The following TMEM120A variants were observed in gnomAD, a reference collection of about 807,000 sequenced individuals.
TMEM120A encodes transmembrane protein 120A, also known as ion channel TACAN.
A neutral mutation model predicts 54.3 loss-of-function variants in TMEM120A; 45 were observed. The observed-to-expected ratio is 0.83, with a 90% CI of 0.65 to 1.06. The LOEUF is 1.06. Ranked by LOEUF, TMEM120A falls within the 50% of genes least tolerant of loss-of-function variation. The probability of loss-of-function intolerance (pLI) is 0.00; values close to 1 mark genes in which losing one functional copy is unlikely to be tolerated. For synonymous variants in TMEM120A, 204 were observed against 178.5 expected (o/e 1.14, Z -1.14); for missense variants, 424 against 441.7 (o/e 0.96, Z 0.36).
chr7:75,988,393 G>A, intron 5 of TMEM120A, 28 bp downstream of exon 5: 1 of 1,610,366 alleles, frequency 6.2e-7, no homozygotes, highest in South Asian at 1.1e-5. Flanking sequence ...GGGATGGGGT[G>A]GGTCCTCGGC....
intron 3 of TMEM120A, 103 bp from the exon 4 acceptor site, chr7:75,989,327 C>T: frequency 1.3e-6 from 1 of 782,944 alleles, no homozygotes; most frequent in Non-Finnish European, 2.2e-6. Flanking sequence ...CACCCCACCC[C>T]CTCACCCGCT....
Position 75,992,545 on chromosome 7 carries a change from G to T in TMEM120A, c.94C>A (p.Leu32Ile). The change falls in exon 2 of 12, where the codon CTC (leucine) becomes ATC (isoleucine). Residue 32 changes from leucine (L) to isoleucine (I), a missense_variant. Physicochemically the swap from Leu to Ile is conservative, Grantham distance 5. Transcript: ENST00000493111. Reference protein sequence around the residue: ...DFQNIQETHRLYRLKLEELTK... With the variant: ...DFQNIQETHRIYRLKLEELTK... ...AGCTCCTCCAGCTTCAGGCGGTAGAGCCGATGGGTCTCCTGGGGGCCGGAG... is the reference window on the plus strand; with the variant it reads ...AGCTCCTCCAGCTTCAGGCGGTAGATCCGATGGGTCTCCTGGGGGCCGGAG... 6.3e-7 allele frequency: 1 copy of T among 1,577,944 alleles called. No homozygotes were observed. The highest frequency in any genetic ancestry group is 8.6e-7 in the Non-Finnish European group (1 of 1,163,002).
At chr7:75,993,148 A>G (rs1003945756) in intron 1 of TMEM120A, among the ~76,000 whole-genome samples, 12 of 152,034 alleles carry the variant, frequency 7.9e-5, no homozygotes, top group Non-Finnish European at 1.3e-4. Flanking sequence ...CCCACCCTAC[A>G]AGGACAGACT....
chr7:75,992,945 G>A (rs971234197), intron 1 of TMEM120A, among the ~76,000 whole-genome samples: 1 of 152,196 alleles, frequency 6.6e-6, no homozygotes, highest in Non-Finnish European at 1.5e-5. Context: ...TAGGATTACA[G>A]GCACCTGCCA....
chr7:75,992,095 T>G (rs1554561916), intron 3 of TMEM120A, 49 bp downstream of exon 3: 1 of 1,379,576 alleles, frequency 7.2e-7, no homozygotes. Context: ...AGCACCCGGC[T>G]TCAGGAGTGG....
At position 75,988,252 on chromosome 7, in the gene TMEM120A, C is replaced by A; in HGVS notation, c.563G>T (p.Arg188Leu). The change falls in exon 6 of 12, where the codon CGG becomes CTG. Residue 188 changes from arginine to leucine, a missense_variant and splice_region_variant. Coordinates refer to ENST00000493111, the MANE Select transcript of TMEM120A (RefSeq NM_031925.3). ...CTCCCTCAGGGCCCGCCCTGCCCAC[C>A]GGGAGCCGTTGTTGATGAGGATGCT... ...RESILINNGS[R>L]IKGWWVFHHY... is the part of the protein sequence containing the mutation. The A allele has an allele frequency of 6.2e-7, 1 of 1,612,052 alleles. No homozygotes were observed. Among genetic ancestry groups the A allele is most frequent in the Non-Finnish European group, 8.5e-7 (1 of 1,179,846 alleles).
At chr7:75,990,153 CA>C (rs1297624513) in intron 3 of TMEM120A, among the ~76,000 whole-genome samples, 9 of 152,212 alleles carry the variant, frequency 5.9e-5, no homozygotes, top group Non-Finnish European at 1.2e-4. Context: ...GCCAACCCAC[CA>C]GGCTGCGGAT....
In TMEM120A at chr7:75,994,531, G is replaced by A. The variant is rs374489610; in HGVS notation, c.40C>T (p.Arg14Trp). ...TCCTGCTGTAGATCCTCCCAGTCCCGCAGGCAGTCGCCCAGCGGGCCCGGG... is the reference window on the plus strand; with the variant it reads ...TCCTGCTGTAGATCCTCCCAGTCCCACAGGCAGTCGCCCAGCGGGCCCGGG... ...PPPGPLGDCL[R>W]DWEDLQQDFQ... Residue 14 changes from arginine (R) to tryptophan (W), a missense_variant, in exon 1 of 12, where the codon CGG becomes TGG. Physicochemically the swap from Arg to Trp is moderately radical, Grantham distance 101. Coordinates refer to ENST00000493111, the MANE Select transcript of TMEM120A (RefSeq NM_031925.3). 2.6e-6 allele frequency: 4 copies of A among 1,562,904 alleles called. No individual in the cohort carries two copies. The highest frequency in any genetic ancestry group is 1.2e-5 in the South Asian group (1 of 85,396).
intron 1 of TMEM120A, among the ~76,000 whole-genome samples, chr7:75,993,039 T>A (rs968597292): frequency 3.9e-5 from 6 of 152,152 alleles, no homozygotes; most frequent in African/African-American, 4.8e-5. Flanking sequence ...TGACCTCAGG[T>A]GATCTGCCTG....
At chr7:75,989,456 T>TC (rs1336719128) in intron 3 of TMEM120A, among the ~76,000 whole-genome samples, 35 of 148,116 alleles carry the variant, frequency 2.4e-4, no homozygotes, top group African/African-American at 7.7e-4. Context: ...GAAACAGTGT[T>TC]CCCCCCCATC....
chr7:75,990,533 G>A (rs1789800535), intron 3 of TMEM120A, among the ~76,000 whole-genome samples: 2 of 152,034 alleles, frequency 1.3e-5, no homozygotes, highest in African/African-American at 4.8e-5. Flanking sequence ...TCAACCCAGT[G>A]CTAATTTCCA....
rs782075105 is a variant in TMEM120A at position 75,994,480 on chromosome 7, C to T, written c.81+10G>A. The T allele has an allele frequency of 3.9e-6, 6 of 1,557,034 alleles. No individual in the cohort carries two copies. The Admixed American group carries it at 7.7e-5, about 20-fold the overall frequency. ...CTCGGGGGCGACCCGGCGTCCGCAG[C>T]GGCGCTAACCTGGATGTTCTGGAAG... is the stretch of plus-strand genomic sequence containing the variant. On this transcript the variant is annotated intron_variant, in intron 1 of 11. Transcript: ENST00000493111.
At chr7:75,991,788 TC>T (rs1554561828) in intron 3 of TMEM120A, among the ~76,000 whole-genome samples, 1 of 152,110 alleles carries the variant, frequency 6.6e-6, no homozygotes, top group Non-Finnish European at 1.5e-5. Flanking sequence ...CAAGTGATCC[TC>T]CCACCTCCAT....
chr7:75,988,228 T>C (rs1554560659), intron 6 of TMEM120A, 24 bp downstream of exon 6: 1 of 1,611,722 alleles, frequency 6.2e-7, no homozygotes, highest in South Asian at 1.1e-5. Context: ...CATGCTCCCC[T>C]CCCTCAGGGC....
intron 1 of TMEM120A, among the ~76,000 whole-genome samples, chr7:75,993,590 G>A (rs1789927850): frequency 6.6e-6 from 1 of 152,246 alleles, no homozygotes; most frequent in South Asian, 2.1e-4. Context: ...GGCAGGGCCA[G>A]GGGCAGCTGG....
chr7:75,994,230 T>A (rs1789965472), intron 1 of TMEM120A, among the ~76,000 whole-genome samples: 1 of 151,848 alleles, frequency 6.6e-6, no homozygotes, highest in Non-Finnish European at 1.5e-5. Context: ...AGGGACGGGG[T>A]CGGGGTCTGG....
At chr7:75,987,890 C>T in intron 8 of TMEM120A, 33 bp downstream of exon 8, 3 of 1,599,144 alleles carry the variant, frequency 1.9e-6, no homozygotes, top group Non-Finnish European at 2.6e-6. Context: ...ACGGGTGCCT[C>T]CAGGGCTCAG....
intron 3 of TMEM120A, 28 bp from the exon 4 acceptor site, chr7:75,989,252 G>A: frequency 6.7e-7 from 1 of 1,501,448 alleles, no homozygotes; most frequent in Non-Finnish European, 9.1e-7. Context: ...GGGGTGAGGA[G>A]AAGCCCGAGT....
In TMEM120A at chr7:75,988,259, CGTT is replaced by C. The variant is rs1789631155; in HGVS notation, c.553_555del (p.Asn185del). The C allele has an allele frequency of 6.2e-7, 1 of 1,612,108 alleles. No homozygotes were observed. The highest frequency in any genetic ancestry group is 8.5e-7 in the Non-Finnish European group (1 of 1,179,882). The stretch of plus-strand genomic sequence containing the variant: ...AGGGCCCGCCCTGCCCACCGGGAGC[CGTT>C]GTTGATGAGGATGCTCTCCCGGATG... On this transcript the variant is annotated inframe_deletion, in exon 6 of 12. Coordinates refer to ENST00000493111, the MANE Select transcript of TMEM120A (RefSeq NM_031925.3).
Sources: allele counts gnomAD v4.1 joint callset (sites outside exome capture counted in the v4.1 genomes callset), GRCh38; gene constraint gnomAD v4.1.1; transcripts MANE v1.5; gene names NCBI Gene and HGNC (gene_info 2026-07-23, HGNC 2026-07-21).